The following INPP4B variants were observed in gnomAD, a reference collection of about 807,000 sequenced individuals.
The protein encoded by INPP4B is inositol polyphosphate 4-phosphatase type II.
Under a neutral mutation model 122.5 loss-of-function variants are expected in INPP4B, and 55 were observed. The ratio of observed to expected loss-of-function variants is 0.45; its 90% CI spans 0.36 to 0.56. INPP4B has a LOEUF of 0.56. INPP4B is among the 20% of genes least tolerant of loss of function. The probability of loss-of-function intolerance (pLI) is 0.00; values close to 1 mark genes in which losing one functional copy is unlikely to be tolerated. For synonymous variants in INPP4B, 403 were observed against 388.7 expected (o/e 1.04, Z -0.43); for missense variants, 1,000 against 1,097.7 (o/e 0.91, Z 1.26).
At chr4:142,165,989 G>A (rs994455269) in intron 16 of INPP4B, among the ~76,000 whole-genome samples, 1 of 151,600 alleles carries the variant, frequency 6.6e-6, no homozygotes, top group Admixed American at 6.6e-5. Context: ...GGGCAACTTT[G>A]CATGTGTTTA....
intron 1 of INPP4B, among the ~76,000 whole-genome samples, chr4:142,762,489 C>T (rs1374254681): frequency 6.6e-6 from 1 of 152,126 alleles, no homozygotes; most frequent in African/African-American, 2.4e-5. Flanking sequence ...GTGACACTGC[C>T]TCTGGATAAA....
At chr4:142,664,205 G>A (rs1755659031) in intron 2 of INPP4B, among the ~76,000 whole-genome samples, 1 of 152,128 alleles carries the variant, frequency 6.6e-6, no homozygotes, top group African/African-American at 2.4e-5. Flanking sequence ...TGCCAGCCAT[G>A]CCAGGACTTT....
At chr4:142,309,674 T>C (rs1181784477) in intron 8 of INPP4B, among the ~76,000 whole-genome samples, 1 of 152,158 alleles carries the variant, frequency 6.6e-6, no homozygotes, top group African/African-American at 2.4e-5. Flanking sequence ...CAATTCCCTT[T>C]CCTTCTGACA....
In INPP4B at chr4:142,757,788, C is replaced by T. The variant is rs571799613; in HGVS notation, c.-253-31887G>A. On this transcript the variant is annotated intron_variant, in intron 1 of 25. Coordinates refer to ENST00000262992, the MANE Select transcript of INPP4B (RefSeq NM_001101669.3). ...GGGTGCATACCAAGGAGCATGATTGCTGGATCTTAGGGTAAGAATATATTT... is the reference window on the plus strand; with the variant it reads ...GGGTGCATACCAAGGAGCATGATTGTTGGATCTTAGGGTAAGAATATATTT... Among the ~76,000 whole-genome samples the T allele has an allele frequency of 7.1e-4, 108 of 152,278 alleles. No individual in the cohort carries two copies. The Middle Eastern group carries it at 0.02, about 29-fold the overall frequency.
intron 2 of INPP4B, among the ~76,000 whole-genome samples, chr4:142,724,317 G>A (rs1354709777): frequency 6.6e-6 from 1 of 152,056 alleles, no homozygotes; most frequent in African/African-American, 2.4e-5. Context: ...TGGAGAGTCT[G>A]TGCTCCCTGC....
chr4:142,200,636 TA>T (rs1018522767), intron 14 of INPP4B, among the ~76,000 whole-genome samples: 1 of 151,968 alleles, frequency 6.6e-6, no homozygotes, highest in African/African-American at 2.4e-5. Context: ...AAAAGTAAGT[TA>T]AAAAATAAAG....
chr4:142,302,942 G>C (rs542307911), intron 9 of INPP4B, among the ~76,000 whole-genome samples: 55 of 152,122 alleles, frequency 3.6e-4, no homozygotes, highest in African/African-American at 1.3e-3. Context: ...TAGTAAATTC[G>C]CATTTAACTA....
intron 2 of INPP4B, among the ~76,000 whole-genome samples, chr4:142,660,037 A>G (rs903124667): frequency 2.6e-5 from 4 of 152,182 alleles, no homozygotes; most frequent in Admixed American, 2.0e-4. Context: ...TCTGCCAATT[A>G]AGCCAACCCC....
At chr4:142,234,960 T>A (rs554260091) in intron 12 of INPP4B, among the ~76,000 whole-genome samples, 1 of 152,304 alleles carries the variant, frequency 6.6e-6, no homozygotes, top group South Asian at 2.1e-4. Context: ...TTTGATGTGT[T>A]CAAATAACAA....
intron 18 of INPP4B, among the ~76,000 whole-genome samples, chr4:142,141,900 T>G (rs1263743911): frequency 6.6e-6 from 1 of 152,084 alleles, no homozygotes; most frequent in Non-Finnish European, 1.5e-5. Context: ...TGTCATAGGA[T>G]TGATTTACTC....
intron 7 of INPP4B, among the ~76,000 whole-genome samples, chr4:142,387,879 G>T (rs1796461403): frequency 2.0e-5 from 3 of 152,134 alleles, no homozygotes. Context: ...CAGCAAACTG[G>T]TCAGTCATGT....
At chr4:142,607,177 C>T (rs958187381) in intron 2 of INPP4B, among the ~76,000 whole-genome samples, 1 of 152,018 alleles carries the variant, frequency 6.6e-6, no homozygotes, top group Middle Eastern at 3.4e-3. Context: ...GAAAGACAAA[C>T]TTTAATGCTG....
chr4:142,306,268 A>G (rs1464679091), intron 8 of INPP4B, among the ~76,000 whole-genome samples: 2 of 148,378 alleles, frequency 1.3e-5, no homozygotes. Context: ...TAAAAAACCT[A>G]TCATCTCTTT....
At chr4:142,161,372 A>T (rs2152909100) in intron 16 of INPP4B, among the ~76,000 whole-genome samples, 1 of 152,124 alleles carries the variant, frequency 6.6e-6, no homozygotes, top group African/African-American at 2.4e-5. Flanking sequence ...TGCAGTAATT[A>T]CTTCACTTAG....
At chr4:142,601,694 G>A (rs1739970653) in intron 2 of INPP4B, among the ~76,000 whole-genome samples, 1 of 151,844 alleles carries the variant, frequency 6.6e-6, no homozygotes, top group African/African-American at 2.4e-5. Context: ...AGATAGCTGG[G>A]CATGGTGGCT....
chr4:142,536,198 GAATTAA>G (rs1828174725), intron 2 of INPP4B, among the ~76,000 whole-genome samples: 1 of 151,894 alleles, frequency 6.6e-6, no homozygotes, highest in Admixed American at 6.6e-5. Context: ...ATCTGTATAA[GAATTAA>G]AATTAACATT....
chr4:142,116,928 G>C (rs956730535), intron 21 of INPP4B, among the ~76,000 whole-genome samples: 2 of 151,926 alleles, frequency 1.3e-5, no homozygotes, highest in Non-Finnish European at 2.9e-5. Flanking sequence ...AACTAATAAA[G>C]AAGAAAAGAG....
At chr4:142,362,462 T>C (rs1785789051) in intron 7 of INPP4B, among the ~76,000 whole-genome samples, 1 of 151,700 alleles carries the variant, frequency 6.6e-6, no homozygotes, top group Admixed American at 6.6e-5. Flanking sequence ...TCAGGGAGGG[T>C]GGGCTAGGGC....
At chr4:142,197,355 A>C (rs770671228) in intron 14 of INPP4B, among the ~76,000 whole-genome samples, 44 of 152,044 alleles carry the variant, frequency 2.9e-4, no homozygotes, top group Non-Finnish European at 5.3e-4. Flanking sequence ...TTTGCCACTG[A>C]AATTCCACTG....
Sources: gnomAD v4.1 joint callset for allele counts (sites outside exome capture counted in the v4.1 genomes callset) on GRCh38, gnomAD v4.1.1 for gene constraint, MANE v1.5 for transcripts, NCBI Gene and HGNC (gene_info 2026-07-23, HGNC 2026-07-21) for gene names.